The following FRMD3 variants were observed in gnomAD, a reference collection of about 807,000 sequenced individuals.
FRMD3 encodes the protein FERM domain containing 3.
Under a neutral mutation model 70.2 loss-of-function variants are expected in FRMD3, and 33 were observed. That is an observed-to-expected ratio of 0.47 (90% CI 0.36 to 0.63). FRMD3 has a LOEUF of 0.63. Ranked by LOEUF, FRMD3 falls within the 20% of genes least tolerant of loss-of-function variation. The probability of loss-of-function intolerance (pLI) is 0.00; values close to 1 mark genes in which losing one functional copy is unlikely to be tolerated. For synonymous variants in FRMD3, 279 were observed against 255.9 expected (o/e 1.09, Z -0.86); for missense variants, 632 against 711.4 (o/e 0.89, Z 1.27).
the FRMD3 span, among the ~76,000 whole-genome samples, chr9:83,575,847 T>C: frequency 2.6e-5 from 4 of 152,284 alleles, no homozygotes; most frequent in East Asian, 7.7e-4. Flanking sequence ...ATACCAATTT[T>C]TCACATACTC....
the FRMD3 span, among the ~76,000 whole-genome samples, chr9:83,553,507 T>C: frequency 6.6e-6 from 1 of 152,244 alleles, no homozygotes. Flanking sequence ...CTATGATTCA[T>C]AAATTTGGCC....
chr9:83,482,640 T>C (rs763741237), intron 1 of FRMD3, among the ~76,000 whole-genome samples: 6 of 152,316 alleles, frequency 3.9e-5, no homozygotes, highest in Non-Finnish European at 7.4e-5. Context: ...TAGGACATTA[T>C]AGAATAGGAA....
At chr9:83,542,362 A>G (rs1830009489), upstream of FRMD3, among the ~76,000 whole-genome samples, 1 of 152,236 alleles carries the variant, frequency 6.6e-6, no homozygotes, top group Admixed American at 6.5e-5. Context: ...ATTAAAATTG[A>G]TAACTTAAAA....
At chr9:83,243,380 G>A (rs1429538281), downstream of FRMD3, among the ~76,000 whole-genome samples, 1 of 152,214 alleles carries the variant, frequency 6.6e-6, no homozygotes, top group Non-Finnish European at 1.5e-5. Flanking sequence ...GTCACCCCAG[G>A]GGTGGAAGAC....
intron 1 of FRMD3, among the ~76,000 whole-genome samples, chr9:83,493,353 G>A (rs1379460830): frequency 6.6e-6 from 1 of 152,184 alleles, no homozygotes; most frequent in Non-Finnish European, 1.5e-5. Flanking sequence ...CCAGATTCAG[G>A]TGCAGGAAAA....
chr9:83,266,811 C>T (rs1408944246), intron 13 of FRMD3, among the ~76,000 whole-genome samples: 5 of 152,152 alleles, frequency 3.3e-5, no homozygotes, highest in African/African-American at 1.2e-4. Flanking sequence ...GGAACACACC[C>T]TCCTGTTTCC....
At position 83,472,214 on chromosome 9, in the gene FRMD3, C is replaced by T. The variant is rs80020376; in HGVS notation, c.147+65871G>A. On this transcript the variant is annotated intron_variant, in intron 1 of 13. Transcript: ENST00000304195. ...GTATAGGAAAAGCTGGAGTCAACAACGTCAAACTAGTTTGCTCACTTGCCC... is the reference window on the plus strand; with the variant it reads ...GTATAGGAAAAGCTGGAGTCAACAATGTCAAACTAGTTTGCTCACTTGCCC... Among the ~76,000 whole-genome samples, 695 of 152,254 alleles carry T rather than the reference C, an allele frequency of 4.6e-3. 8 individuals are homozygous for T. Among genetic ancestry groups the T allele is most frequent in the African/African-American group, 0.015 (619 of 41,552 alleles).
intron 1 of FRMD3, among the ~76,000 whole-genome samples, chr9:83,409,766 C>T (rs1489041374): frequency 6.6e-6 from 1 of 152,210 alleles, no homozygotes; most frequent in Non-Finnish European, 1.5e-5. Flanking sequence ...AAGAGCTGGA[C>T]CCAGGACATG....
intron 1 of FRMD3, among the ~76,000 whole-genome samples, chr9:83,507,386 G>C (rs78623633): frequency 1.4e-5 from 1 of 69,708 alleles, no homozygotes; most frequent in African/African-American, 5.2e-5. Flanking sequence ...AAAAAAAAAA[G>C]GCTGGGTGTG....
intron 1 of FRMD3, among the ~76,000 whole-genome samples, chr9:83,491,989 G>A (rs1587469613): frequency 6.6e-6 from 1 of 152,202 alleles, no homozygotes; most frequent in East Asian, 1.9e-4. Context: ...GCAGTTCATG[G>A]TGTTTGTTGT....
At chr9:83,308,692 C>CT (rs1471482687) in intron 10 of FRMD3, among the ~76,000 whole-genome samples, 1 of 152,174 alleles carries the variant, frequency 6.6e-6, no homozygotes, top group Non-Finnish European at 1.5e-5. Flanking sequence ...AACCTGAGAG[C>CT]TTTACAGATG....
rs193295615 is a variant in FRMD3, at chr9:83,403,053, G to A, written c.148-13345C>T. On this transcript the variant is annotated intron_variant, in intron 1 of 13. Coordinates refer to ENST00000304195, the MANE Select transcript of FRMD3 (RefSeq NM_174938.6). Reference sequence around the variant, plus strand: ...TGAGTAGCTGAGATTACAGGCACCCGCTACCATGCCCAGATAATTTTTGTA... The same window carrying A: ...TGAGTAGCTGAGATTACAGGCACCCACTACCATGCCCAGATAATTTTTGTA... Among the ~76,000 whole-genome samples the A allele has an allele frequency of 7.1e-3, 1,073 of 151,738 alleles. 14 individuals carry two copies. The highest frequency in any genetic ancestry group is 0.023 in the African/African-American group (961 of 41,382).
intron 1 of FRMD3, among the ~76,000 whole-genome samples, chr9:83,461,748 G>C (rs1337968055): frequency 8.2e-6 from 1 of 122,562 alleles, no homozygotes; most frequent in Non-Finnish European, 1.6e-5. Context: ...GAGCGCAGTG[G>C]CACGATCTCA....
At chr9:83,563,426 G>A in the FRMD3 span, among the ~76,000 whole-genome samples, 7 of 152,142 alleles carry the variant, frequency 4.6e-5, no homozygotes, top group African/African-American at 7.2e-5. Context: ...ACAAAAAGCT[G>A]GGTTAGCCTA....
chr9:83,431,492 A>G (rs1826974525), intron 1 of FRMD3, among the ~76,000 whole-genome samples: 1 of 152,030 alleles, frequency 6.6e-6, no homozygotes, highest in Non-Finnish European at 1.5e-5. Flanking sequence ...TCCTTATTCT[A>G]TTCTGATTTT....
At position 83,490,531 on chromosome 9, in the gene FRMD3, C is replaced by T. The variant is rs1564101885; in HGVS notation, c.147+47554G>A. Among the ~76,000 whole-genome samples the T allele has an allele frequency of 2.0e-5, 3 of 152,194 alleles. No individual in the cohort carries two copies. In the East Asian group the frequency reaches 5.8e-4, roughly 29 times the overall value. On this transcript the variant is annotated intron_variant, in intron 1 of 13. Transcript: ENST00000304195. ...TCATGACTTCAAGTGATCTGCCCAC[C>T]TCGGCCTCCCAAAGTGCTGGGATTA...
At chr9:83,436,454 TAA>T (rs1827135014) in intron 1 of FRMD3, among the ~76,000 whole-genome samples, 1 of 117,454 alleles carries the variant, frequency 8.5e-6, no homozygotes, top group African/African-American at 4.1e-5. Context: ...TTTTAATTAA[TAA>T]GATGTGTGTG....
chr9:83,276,452 G>A (rs1296831569), intron 13 of FRMD3: 1 of 152,108 alleles, frequency 6.6e-6, no homozygotes, highest in Admixed American at 6.5e-5. Context: ...CAACAGCTTT[G>A]CAGATGGTAT....
chr9:83,379,774 G>C (rs2131275272), intron 2 of FRMD3, among the ~76,000 whole-genome samples: 1 of 152,226 alleles, frequency 6.6e-6, no homozygotes, highest in African/African-American at 2.4e-5. Context: ...CCACAAACCA[G>C]GGTAGCTCTT....
Sources: gnomAD v4.1 joint callset for allele counts (sites outside exome capture counted in the v4.1 genomes callset) on GRCh38, gnomAD v4.1.1 for gene constraint, MANE v1.5 for transcripts, NCBI Gene and HGNC (gene_info 2026-07-23, HGNC 2026-07-21) for gene names.